Variants in MSRA observed in about 807,000 individuals in gnomAD.
The protein encoded by MSRA is methionine sulfoxide reductase A, also known as mitochondrial peptide methionine sulfoxide reductase.
MSRA carries 54 observed loss-of-function variants against 31.3 expected under a neutral mutation model. The ratio of observed to expected loss-of-function variants is 1.73; its 90% CI spans 1.39 to 2.17. The LOEUF is 2.17. Ranked by LOEUF, MSRA falls within the 30% of genes most tolerant of loss-of-function variation. The pLI, the probability that MSRA is intolerant of heterozygous loss-of-function variation, is 0.00. For missense variants in MSRA, 507 were observed against 300.9 expected (o/e 1.69, Z -5.07); for synonymous variants, 169 against 116.5 (o/e 1.45, Z -2.90).
intron 1 of MSRA, among the ~76,000 whole-genome samples, chr8:10,063,043 C>T (rs568762047): frequency 6.6e-6 from 1 of 152,286 alleles, no homozygotes; most frequent in South Asian, 2.1e-4. Context: ...AAGTTCTGCC[C>T]TTCTGTTTCC....
intron 1 of MSRA, among the ~76,000 whole-genome samples, chr8:10,110,010 T>A (rs1800165183): frequency 6.6e-6 from 1 of 152,088 alleles, no homozygotes; most frequent in African/African-American, 2.4e-5. Context: ...CACCTCTTGT[T>A]CCCCACATCC....
chr8:10,068,767 C>A (rs73189199), intron 1 of MSRA, among the ~76,000 whole-genome samples: 13 of 152,026 alleles, frequency 8.6e-5, no homozygotes, highest in Non-Finnish European at 1.9e-4. Flanking sequence ...TTCTTTTTTT[C>A]CCCCTTTCCA....
intron 1 of MSRA, among the ~76,000 whole-genome samples, chr8:10,092,309 G>A (rs534440248): frequency 2.6e-5 from 4 of 152,050 alleles, no homozygotes; most frequent in African/African-American, 9.7e-5. Flanking sequence ...ATTTATTGAG[G>A]TTCATTTTAT....
At chr8:10,296,007 G>C (rs1053553864) in intron 3 of MSRA, among the ~76,000 whole-genome samples, 1 of 152,160 alleles carries the variant, frequency 6.6e-6, no homozygotes, top group African/African-American at 2.4e-5. Flanking sequence ...AAAAGAAAAA[G>C]AATTAGAAAA....
chr8:10,219,830 A>AAAAAAAAAAAG (rs1810329884), intron 2 of MSRA, among the ~76,000 whole-genome samples: 1 of 146,434 alleles, frequency 6.8e-6, no homozygotes, highest in African/African-American at 2.5e-5. Flanking sequence ...AAAAAAAAAG[A>AAAAAAAAAAAG]TATTTGTTAG....
At chr8:10,092,797 C>T (rs766671077) in intron 1 of MSRA, among the ~76,000 whole-genome samples, 6 of 152,092 alleles carry the variant, frequency 3.9e-5, no homozygotes, top group Non-Finnish European at 7.4e-5. Context: ...TTGAAGTTTC[C>T]AACTATCATT....
At chr8:10,363,553 C>T (rs748252474) in intron 5 of MSRA, among the ~76,000 whole-genome samples, 14 of 152,106 alleles carry the variant, frequency 9.2e-5, no homozygotes, top group Non-Finnish European at 1.3e-4. Flanking sequence ...CCTTAGTAGT[C>T]CCCTTAGCCT....
At chr8:10,061,929 C>T (rs926762357) in intron 1 of MSRA, among the ~76,000 whole-genome samples, 9 of 152,202 alleles carry the variant, frequency 5.9e-5, no homozygotes, top group African/African-American at 2.2e-4. Flanking sequence ...TCATTAAGCT[C>T]AGTGCAGTCC....
At chr8:10,401,579 T>A (rs1450202607) in intron 5 of MSRA, among the ~76,000 whole-genome samples, 1 of 152,196 alleles carries the variant, frequency 6.6e-6, no homozygotes, top group Admixed American at 6.5e-5. Context: ...TCCAGCGGAA[T>A]TGAAAGCAGG....
chr8:10,080,183 C>T (rs564551981), intron 1 of MSRA, among the ~76,000 whole-genome samples: 5 of 152,274 alleles, frequency 3.3e-5, no homozygotes, highest in Non-Finnish European at 5.9e-5. Context: ...AATACAGTTA[C>T]GACATTCTCT....
intron 3 of MSRA, among the ~76,000 whole-genome samples, chr8:10,276,547 C>G (rs991787706): frequency 1.3e-5 from 2 of 152,192 alleles, no homozygotes; most frequent in African/African-American, 4.8e-5. Context: ...AAATTGAAGC[C>G]TTTGACTTGC....
chr8:10,357,934 T>A (rs1563390052), intron 5 of MSRA, among the ~76,000 whole-genome samples: 1 of 152,230 alleles, frequency 6.6e-6, no homozygotes, highest in Non-Finnish European at 1.5e-5. Context: ...CTTGGTACTT[T>A]TTTTTGAAAT....
intron 5 of MSRA, among the ~76,000 whole-genome samples, chr8:10,334,196 G>A (rs929020293): frequency 5.8e-5 from 8 of 138,252 alleles, no homozygotes; most frequent in African/African-American, 2.0e-4. Context: ...TTATGTGTGT[G>A]TGTGTGTGTG....
At chr8:10,058,795 C>G (rs1802541071) in intron 1 of MSRA, among the ~76,000 whole-genome samples, 1 of 152,212 alleles carries the variant, frequency 6.6e-6, no homozygotes, top group African/African-American at 2.4e-5. Context: ...TTAATCCCAC[C>G]TTTAAAAATA....
At chr8:10,404,312 C>G (rs935968033) in intron 5 of MSRA, among the ~76,000 whole-genome samples, 1 of 152,164 alleles carries the variant, frequency 6.6e-6, no homozygotes, top group Non-Finnish European at 1.5e-5. Context: ...CTTTCTTTTC[C>G]TGACAACACT....
At chr8:10,253,791 C>T (rs1798036707) in intron 3 of MSRA, among the ~76,000 whole-genome samples, 1 of 152,006 alleles carries the variant, frequency 6.6e-6, no homozygotes, top group Non-Finnish European at 1.5e-5. Flanking sequence ...ATGGGATATG[C>T]TGGGTCTTAA....
intron 1 of MSRA, among the ~76,000 whole-genome samples, chr8:10,133,954 C>T (rs1018198414): frequency 6.6e-6 from 1 of 152,116 alleles, no homozygotes; most frequent in Non-Finnish European, 1.5e-5. Context: ...TCTCAGCCTC[C>T]TGAGTAGCTG....
At chr8:10,234,148 C>A (rs1811735594) in intron 2 of MSRA, among the ~76,000 whole-genome samples, 1 of 151,946 alleles carries the variant, frequency 6.6e-6, no homozygotes, top group African/African-American at 2.4e-5. Context: ...CTATAAAACC[C>A]TTTTAAAGAT....
chr8:10,257,304 C>T (rs1798234714), intron 3 of MSRA, among the ~76,000 whole-genome samples: 1 of 152,200 alleles, frequency 6.6e-6, no homozygotes, highest in Non-Finnish European at 1.5e-5. Context: ...GTGGAATACC[C>T]TTACCCCCGG....
Sources: gnomAD v4.1 joint callset for allele counts (sites outside exome capture counted in the v4.1 genomes callset) on GRCh38, gnomAD v4.1.1 for gene constraint, MANE v1.5 for transcripts, NCBI Gene and HGNC (gene_info 2026-07-23, HGNC 2026-07-21) for gene names.